Variants in VAT1L observed in about 807,000 individuals in gnomAD.
VAT1L encodes the protein putative NADPH-dependent quinone oxidoreductase VAT1L.
VAT1L carries 34 observed loss-of-function variants against 44.1 expected under a neutral mutation model. That is an observed-to-expected ratio of 0.77 (90% confidence interval 0.59 to 1.03). The LOEUF (loss-of-function observed/expected upper bound fraction) is 1.03. Ranked by LOEUF, VAT1L falls within the 50% of genes least tolerant of loss-of-function variation. VAT1L has a pLI of 0.00. For synonymous variants in VAT1L, 253 were observed against 202.2 expected, an observed-to-expected ratio of 1.25 and a Z score of -2.13; for missense variants, 615 against 538.8, an observed-to-expected ratio of 1.14 and a Z score of -1.40.
intron 7 of VAT1L, among the ~76,000 whole-genome samples, chr16:77,938,418 G>C (rs961582703): frequency 1.3e-5 from 2 of 152,178 alleles, no homozygotes; most frequent in African/African-American, 4.8e-5. Context: ...GTTTAAATAT[G>C]TGTCCTCATC....
In VAT1L at chr16:77,884,707, G is replaced by T; in HGVS notation, c.982G>T (p.Ala328Ser). 1 of 1,611,466 alleles carries T rather than the reference G, an allele frequency of 6.2e-7. No homozygotes were observed. The highest frequency in any genetic ancestry group is 8.5e-7 in the Non-Finnish European group (1 of 1,178,832). ...AAATCTGCTCTTCAAACAAGGCCGG[G>T]CGGGCCTCATTCGGGGAGTGGTGGA... ...LLNLLFKQGR[A>S]GLIRGVVEKL... is the part of the protein sequence containing the mutation. Residue 328 changes from alanine (A) to serine (S), a missense_variant, in exon 7 of 9, where the codon GCG (alanine) becomes TCG (serine). Ala to Ser is a moderately conservative substitution (Grantham distance 99, BLOSUM62 1). Coordinates refer to ENST00000302536, the MANE Select transcript of VAT1L (RefSeq NM_020927.3). The surrounding 1 kb of genome is among the most constrained non-coding windows in gnomAD (Gnocchi z 4.5).
Position 77,825,397 on chromosome 16 carries a change from T to C in VAT1L, c.515T>C (p.Leu172Pro). 3 of 1,613,158 alleles carry C rather than the reference T, an allele frequency of 1.9e-6. No individual in the cohort carries two copies. The highest frequency in any genetic ancestry group is 2.5e-6 in the Non-Finnish European group (3 of 1,179,636). ...PMNFVTAYVMLFEVANLREGM... is the reference protein window; with the variant it reads ...PMNFVTAYVMPFEVANLREGM... ...AACTTCGTCACAGCCTATGTGATGC[T>C]GTTTGAAGTTGCCAACCTCCGGGAA... The change falls in exon 3 of 9, where the codon CTG becomes CCG. Residue 172 changes from leucine to proline, a missense_variant. Physicochemically the swap from Leu to Pro is moderately conservative, Grantham distance 98. Transcript: ENST00000302536.
intron 7 of VAT1L, among the ~76,000 whole-genome samples, chr16:77,890,854 G>A (rs1191509562): frequency 6.6e-6 from 1 of 151,722 alleles, no homozygotes. Context: ...AGTCTTGGGG[G>A]TGGAGGTTGC....
chr16:77,855,326 C>T lies in VAT1L; in HGVS notation c.580-7422C>T, dbSNP rs534420816. On this transcript the variant is annotated intron_variant, in intron 3 of 8. Coordinates refer to ENST00000302536, the MANE Select transcript of VAT1L (RefSeq NM_020927.3). ...CTGCACTCCAGCCTGGGCAACAAAGCGAGACTCCATCTCAGAAAAAAAAAA... is the reference window on the plus strand; with the variant it reads ...CTGCACTCCAGCCTGGGCAACAAAGTGAGACTCCATCTCAGAAAAAAAAAA... Among the ~76,000 whole-genome samples, 6 of 146,036 alleles carry T rather than the reference C, an allele frequency of 4.1e-5. No individual in the cohort carries two copies. In the East Asian group the frequency reaches 1.2e-3, roughly 30 times the overall value.
At chr16:77,880,181 G>A (rs894223012) in intron 6 of VAT1L, among the ~76,000 whole-genome samples, 11 of 152,064 alleles carry the variant, frequency 7.2e-5, no homozygotes, top group Non-Finnish European at 7.4e-5. Flanking sequence ...TTTTGAGACC[G>A]AGTCTAGCTC....
chr16:77,833,518 C>T lies in VAT1L; in HGVS notation c.579+8057C>T, dbSNP rs532708382. On this transcript the variant is annotated intron_variant, in intron 3 of 8. Transcript: ENST00000302536. ...CTGTAATCCCAACACTTTGGGAGGC[C>T]GAGGCGGGCAGATCACGAGGTCAGG... 1.3e-4 allele frequency among the ~76,000 whole-genome samples: 20 copies of T among 151,606 alleles called. No individual in the cohort carries two copies. In the East Asian group the frequency reaches 3.2e-3, roughly 24 times the overall value.
chr16:77,839,965 G>C (rs2016687913), intron 3 of VAT1L, among the ~76,000 whole-genome samples: 1 of 152,164 alleles, frequency 6.6e-6, no homozygotes, highest in Non-Finnish European at 1.5e-5. Flanking sequence ...GGGTGAGACT[G>C]ACCTATATTT....
At chr16:77,819,774 A>C (rs2016420363) in intron 2 of VAT1L, among the ~76,000 whole-genome samples, 1 of 152,206 alleles carries the variant, frequency 6.6e-6, no homozygotes, top group Admixed American at 6.5e-5. Flanking sequence ...CTCTTACCCC[A>C]GTTTCCTCCT....
chr16:77,901,649 C>A (rs987224757), intron 7 of VAT1L, among the ~76,000 whole-genome samples: 7 of 152,146 alleles, frequency 4.6e-5, no homozygotes, highest in African/African-American at 1.7e-4. Flanking sequence ...GTTTGCAGGC[C>A]ATCAGCACTT....
At chr16:77,853,452 C>T (rs1346684567) in intron 3 of VAT1L, among the ~76,000 whole-genome samples, 1 of 152,158 alleles carries the variant, frequency 6.6e-6, no homozygotes, top group East Asian at 1.9e-4. Context: ...TAATTATATA[C>T]GAATAGTCAG....
At chr16:77,804,247 C>G (rs1442849428) in intron 1 of VAT1L, among the ~76,000 whole-genome samples, 1 of 152,128 alleles carries the variant, frequency 6.6e-6, no homozygotes, top group Non-Finnish European at 1.5e-5. Context: ...AGATGTTAAC[C>G]TTTACAGGAA....
intron 7 of VAT1L, among the ~76,000 whole-genome samples, chr16:77,927,653 G>C (rs545891814): frequency 6.6e-6 from 1 of 152,020 alleles, no homozygotes; most frequent in South Asian, 2.1e-4. Context: ...TGAGGTGGGC[G>C]GATCATGAGG....
At chr16:77,863,289 C>A (rs368141788) in intron 4 of VAT1L, among the ~76,000 whole-genome samples, 1 of 152,168 alleles carries the variant, frequency 6.6e-6, no homozygotes, top group Non-Finnish European at 1.5e-5. Flanking sequence ...TCTAAAGGTC[C>A]TTTGCTTCTA....
intron 7 of VAT1L, among the ~76,000 whole-genome samples, chr16:77,921,095 A>G (rs1263093784): frequency 1.3e-5 from 2 of 152,214 alleles, no homozygotes. Context: ...TCGAAGGGCT[A>G]CCTGGAAATC....
intron 7 of VAT1L, among the ~76,000 whole-genome samples, chr16:77,936,453 A>G (rs1323103972): frequency 1.3e-5 from 2 of 152,140 alleles, no homozygotes; most frequent in Non-Finnish European, 2.9e-5. Context: ...AAAAGCCAAC[A>G]TCAAAGAAAA....
chr16:77,871,119 G>C (rs1012011172), intron 4 of VAT1L, among the ~76,000 whole-genome samples: 2 of 152,136 alleles, frequency 1.3e-5, no homozygotes, highest in Non-Finnish European at 2.9e-5. Context: ...AGGAGCAATA[G>C]CTGCTGGAAT....
intron 7 of VAT1L, among the ~76,000 whole-genome samples, chr16:77,967,613 T>C (rs1369511691): frequency 6.6e-6 from 1 of 152,174 alleles, no homozygotes; most frequent in Non-Finnish European, 1.5e-5. Context: ...AGTCAGTTCA[T>C]TTCAGAAAGA....
chr16:77,914,626 G>A (rs1269464970), intron 7 of VAT1L, among the ~76,000 whole-genome samples: 1 of 152,202 alleles, frequency 6.6e-6, no homozygotes, highest in African/African-American at 2.4e-5. Context: ...ATGATGGTAA[G>A]AAAGAGTGTT....
intron 1 of VAT1L, among the ~76,000 whole-genome samples, chr16:77,798,070 G>A (rs553619295): frequency 6.6e-6 from 1 of 152,234 alleles, no homozygotes; most frequent in Admixed American, 6.5e-5. Context: ...TGACCCCTGA[G>A]GTCTCATCCC....
Sources: gnomAD v4.1 joint callset for allele counts (sites outside exome capture counted in the v4.1 genomes callset) on GRCh38, gnomAD v4.1.1 for gene constraint, Gnocchi (gnomAD v3.1) non-coding constraint, MANE v1.5 for transcripts, NCBI Gene and HGNC (gene_info 2026-07-23, HGNC 2026-07-21) for gene names.